Variants in NDST3 observed in about 807,000 individuals in gnomAD.
NDST3 encodes the protein bifunctional heparan sulfate N-deacetylase/N-sulfotransferase 3.
In NDST3, 58 loss-of-function variants were observed where a neutral mutation model predicts 96.1. The ratio of observed to expected loss-of-function variants is 0.60; its 90% CI spans 0.49 to 0.75. The LOEUF (loss-of-function observed/expected upper bound fraction) is 0.75. Among genes scored for constraint, NDST3 ranks in the 30% least tolerant of loss-of-function variants. The probability of loss-of-function intolerance (pLI) is 0.00; values close to 1 mark genes in which losing one functional copy is unlikely to be tolerated. For missense variants in NDST3, 788 were observed against 1,034.2 expected (o/e 0.76, Z 3.27); for synonymous variants, 333 against 359.7 (o/e 0.93, Z 0.84).
chr4:118,205,979 C>A (rs908117931), intron 6 of NDST3, among the ~76,000 whole-genome samples: 1 of 142,922 alleles, frequency 7.0e-6, no homozygotes, highest in Non-Finnish European at 1.5e-5. Flanking sequence ...ATTACAGAAG[C>A]CCGCCACCAC....
At chr4:118,059,938 A>G (rs531324404) in intron 2 of NDST3, among the ~76,000 whole-genome samples, 3 of 152,054 alleles carry the variant, frequency 2.0e-5, no homozygotes, top group Non-Finnish European at 4.4e-5. Flanking sequence ...ATATTCATTT[A>G]ATTTTATTAT....
At chr4:118,104,891 T>C in intron 2 of NDST3, 127 bp from the exon 3 acceptor site, 1 of 631,486 alleles carries the variant, frequency 1.6e-6, no homozygotes, top group South Asian at 2.6e-5. Context: ...AGAAACTATT[T>C]TCCACCATTT....
At chr4:118,058,963 A>G (rs1725679894) in intron 2 of NDST3, among the ~76,000 whole-genome samples, 1 of 152,180 alleles carries the variant, frequency 6.6e-6, no homozygotes, top group Admixed American at 6.6e-5. Context: ...ACATCTGAGA[A>G]GTCAAATGAG....
chr4:118,151,363 T>C (rs572274853), intron 6 of NDST3, among the ~76,000 whole-genome samples: 3 of 151,946 alleles, frequency 2.0e-5, no homozygotes, highest in Non-Finnish European at 4.4e-5. Context: ...ATTGTGCACA[T>C]GTACCCTAAA....
chr4:118,153,229 G>A (rs1292627066), intron 6 of NDST3, among the ~76,000 whole-genome samples: 1 of 152,082 alleles, frequency 6.6e-6, no homozygotes, highest in Non-Finnish European at 1.5e-5. Flanking sequence ...TCTTAGATGG[G>A]ACCAGCTAAT....
At chr4:118,139,979 T>C (rs574572332) in intron 5 of NDST3, among the ~76,000 whole-genome samples, 1 of 152,192 alleles carries the variant, frequency 6.6e-6, no homozygotes, top group African/African-American at 2.4e-5. Context: ...AACCTTTTAA[T>C]CTTTCTAAAA....
intron 1 of NDST3, among the ~76,000 whole-genome samples, chr4:118,045,007 C>T (rs558970885): frequency 4.6e-5 from 7 of 152,226 alleles, no homozygotes; most frequent in Admixed American, 2.0e-4. Context: ...CAAACTTTGG[C>T]GGACACATAC....
At chr4:118,118,716 G>C (rs1731309858) in intron 4 of NDST3, among the ~76,000 whole-genome samples, 2 of 152,090 alleles carry the variant, frequency 1.3e-5, no homozygotes, top group African/African-American at 2.4e-5. Context: ...GGATAATTCA[G>C]GGGTTAAACT....
chr4:118,120,288 T>C (rs1578675123), intron 4 of NDST3, among the ~76,000 whole-genome samples: 2 of 152,070 alleles, frequency 1.3e-5, no homozygotes, highest in East Asian at 3.9e-4. Flanking sequence ...GCCACAAGGA[T>C]GCAGGGCCAC....
chr4:118,249,737 C>T (rs1166138958), intron 12 of NDST3, among the ~76,000 whole-genome samples: 1 of 151,630 alleles, frequency 6.6e-6, no homozygotes, highest in Non-Finnish European at 1.5e-5. Context: ...CACATACACA[C>T]ACACACACAC....
rs753335858 is a variant in NDST3, at chr4:118,240,700, G to C, written c.2289+6G>C. The C allele has an allele frequency of 2.5e-6, 4 of 1,610,978 alleles. No individual in the cohort carries two copies. Among genetic ancestry groups the C allele is most frequent in the Middle Eastern group, 1.7e-4 (1 of 5,892 alleles). On this transcript the variant is annotated splice_donor_region_variant and intron_variant, in intron 11 of 13. Coordinates refer to ENST00000296499, the MANE Select transcript of NDST3 (RefSeq NM_004784.3). ...TTTATTTCCCCCCATTTCAGGTATG[G>C]AGTAATAAGGATTTACATCATGTTA...
chr4:118,047,782 T>C (rs1724854431), intron 1 of NDST3, among the ~76,000 whole-genome samples: 1 of 152,150 alleles, frequency 6.6e-6, no homozygotes, highest in Non-Finnish European at 1.5e-5. Flanking sequence ...TCATTGGCAT[T>C]CTTGAGACAG....
intron 2 of NDST3, among the ~76,000 whole-genome samples, chr4:118,070,512 A>G (rs1241922481): frequency 6.6e-6 from 1 of 151,936 alleles, no homozygotes; most frequent in South Asian, 2.1e-4. Context: ...TATTCATATG[A>G]TTACTCCCTA....
Position 118,054,489 on chromosome 4 carries a change from T to C in NDST3, c.579T>C (p.Cys193=). Reference sequence around the variant, plus strand: ...ATGGAAATCTTGCAGTAAAAGATTGTTGTATTAATCCTCATTCTCCATTGA... The same window carrying C: ...ATGGAAATCTTGCAGTAAAAGATTGCTGTATTAATCCTCATTCTCCATTGA... The part of the protein sequence containing the change: ...SIYGNLAVKD[C]CINPHSPLIR... Residue 193 remains cysteine (C), a synonymous_variant, in exon 2 of 14, where the codon TGT becomes TGC. Transcript: ENST00000296499. 4 of 1,613,210 alleles carry C rather than the reference T, an allele frequency of 2.5e-6. No homozygotes were observed. The highest frequency in any genetic ancestry group is 3.4e-6 in the Non-Finnish European group (4 of 1,179,458).
chr4:118,223,285 G>C (rs752913382), intron 6 of NDST3, among the ~76,000 whole-genome samples: 2 of 151,940 alleles, frequency 1.3e-5, no homozygotes, highest in African/African-American at 4.8e-5. Context: ...TTAAGTCACA[G>C]AATTGAAGTT....
At chr4:118,227,280 T>C (rs573155932) in intron 8 of NDST3, among the ~76,000 whole-genome samples, 21 of 152,088 alleles carry the variant, frequency 1.4e-4, no homozygotes, top group Non-Finnish European at 2.8e-4. Flanking sequence ...TAATTAACAC[T>C]TCTAAAATCA....
intron 12 of NDST3, among the ~76,000 whole-genome samples, chr4:118,243,997 T>C (rs913072383): frequency 6.6e-6 from 1 of 152,202 alleles, no homozygotes; most frequent in African/African-American, 2.4e-5. Flanking sequence ...GGTTGGGGGC[T>C]CAGTGGGTGA....
At chr4:118,167,097 T>C (rs1735602705) in intron 6 of NDST3, among the ~76,000 whole-genome samples, 1 of 151,144 alleles carries the variant, frequency 6.6e-6, no homozygotes, top group African/African-American at 2.4e-5. Context: ...AGAGTAAAAT[T>C]ATCTCTGTTT....
rs769345741 is a variant in NDST3 at position 118,207,858 on chromosome 4, T to C, written c.1540-16633T>C. Among the ~76,000 whole-genome samples, 20 of 144,982 alleles carry C rather than the reference T, an allele frequency of 1.4e-4. 3 individuals are homozygous for C. Among genetic ancestry groups the C allele is most frequent in the Non-Finnish European group, 2.6e-4 (17 of 65,322 alleles). Reference sequence around the variant, plus strand: ...TTAGAAAATTTTCTTTAAGTCAGTATGAAATTTTGACATTTAGTCAAGATT... The same window carrying C: ...TTAGAAAATTTTCTTTAAGTCAGTACGAAATTTTGACATTTAGTCAAGATT... On this transcript the variant is annotated intron_variant, in intron 6 of 13. Transcript: ENST00000296499.
Sources: gnomAD v4.1 joint callset for allele counts (sites outside exome capture counted in the v4.1 genomes callset) on GRCh38, gnomAD v4.1.1 for gene constraint, MANE v1.5 for transcripts, NCBI Gene and HGNC (gene_info 2026-07-23, HGNC 2026-07-21) for gene names.